ABL2: variants seen among roughly 807,000 people sequenced by gnomAD.
ABL2 encodes the protein tyrosine-protein kinase ABL2.
In ABL2, 49 loss-of-function variants were observed where a neutral mutation model predicts 107.7. The ratio of observed to expected loss-of-function variants is 0.45; its 90% CI spans 0.36 to 0.58. ABL2 has a LOEUF of 0.58. ABL2 is among the 20% of genes least tolerant of loss of function. The pLI is 0.00. For synonymous variants in ABL2, 549 were observed against 548.6 expected (o/e 1.00, Z -0.01); for missense variants, 1,245 against 1,457.0 (o/e 0.85, Z 2.37).
At position 179,108,906 on chromosome 1, in the gene ABL2, C is replaced by T. The variant is rs770450505; in HGVS notation, c.2361G>A (p.Met787Ile). The T allele has an allele frequency of 3.7e-6, 6 of 1,614,044 alleles. No individual in the cohort carries two copies. In the South Asian group the frequency reaches 6.6e-5, roughly 18 times the overall value. The change falls in exon 12 of 12, where the codon ATG (methionine) becomes ATA (isoleucine). Residue 787 changes from methionine to isoleucine, a missense_variant. Transcript: ENST00000502732. The part of the protein sequence containing the change: ...PFPRSNSTSS[M>I]SSGLPEQDRM... Reference sequence around the variant, plus strand: ...TATCCTGCTCTGGAAGCCCTGAGGACATGGAAGATGTAGAGTTTGACCTTG... The same window carrying T: ...TATCCTGCTCTGGAAGCCCTGAGGATATGGAAGATGTAGAGTTTGACCTTG...
chr1:179,145,400 TA>T (rs1339005705), intron 1 of ABL2, among the ~76,000 whole-genome samples: 1 of 152,226 alleles, frequency 6.6e-6, no homozygotes, highest in African/African-American at 2.4e-5. Context: ...TATTTGAAAT[TA>T]AACCTGAAAT....
intron 9 of ABL2, among the ~76,000 whole-genome samples, chr1:179,113,515 T>G (rs939295881): frequency 6.6e-6 from 1 of 152,156 alleles, no homozygotes; most frequent in African/African-American, 2.4e-5. Context: ...CAACTGCAAT[T>G]AGGACCAGGC....
chr1:179,119,693 G>C (rs1470144523), intron 6 of ABL2, among the ~76,000 whole-genome samples: 1 of 151,978 alleles, frequency 6.6e-6, no homozygotes, highest in Non-Finnish European at 1.5e-5. Context: ...TGAGGGGTGT[G>C]GTCACAGTTT....
At chr1:179,201,671 A>G in intron 1 of ABL2, 1 of 562,770 alleles carries the variant, frequency 1.8e-6, no homozygotes, top group Non-Finnish European at 3.3e-6. Context: ...CCTCTTGTGC[A>G]CATGCTGAAG....
chr1:179,182,271 G>A (rs1031146664), intron 1 of ABL2, among the ~76,000 whole-genome samples: 3 of 152,030 alleles, frequency 2.0e-5, no homozygotes, highest in Admixed American at 6.6e-5. Flanking sequence ...CTCCTAAAGT[G>A]AAGGTGGCTG....
At chr1:179,183,697 G>A (rs1045127630) in intron 1 of ABL2, 12 of 152,338 alleles carry the variant, frequency 7.9e-5, no homozygotes, top group African/African-American at 2.7e-4. Context: ...ACTAGATACG[G>A]GAATTTTACT....
At chr1:179,110,550 G>A in intron 10 of ABL2, 95 bp from the exon 11 acceptor site, 1 of 1,523,856 alleles carries the variant, frequency 6.6e-7, no homozygotes, top group Non-Finnish European at 8.8e-7. Flanking sequence ...GAAAGAACTG[G>A]CAAGTAGAGT....
At chr1:179,110,027 C>G (rs186163813) in intron 11 of ABL2, among the ~76,000 whole-genome samples, 1 of 152,314 alleles carries the variant, frequency 6.6e-6, no homozygotes, top group Non-Finnish European at 1.5e-5. Flanking sequence ...AACCTCTTCT[C>G]CTCTATCGGG....
intron 1 of ABL2, among the ~76,000 whole-genome samples, chr1:179,178,604 C>T (rs1660193054): frequency 6.6e-6 from 1 of 151,558 alleles, no homozygotes; most frequent in East Asian, 2.0e-4. Context: ...AAAGTAAGAA[C>T]ATCGGGCGGG....
Position 179,107,465 on chromosome 1 carries a change from A to G in ABL2, c.*253T>C, listed in dbSNP as rs995318377. 27 of 540,160 alleles carry G rather than the reference A, an allele frequency of 5.0e-5. No individual in the cohort carries two copies. In the African/African-American group the frequency reaches 5.1e-4, roughly 10 times the overall value. 33.5% of individuals were successfully genotyped at this position (540,160 alleles called of 1,614,324 possible). A position where few individuals can be genotyped will look rare whatever the true frequency, so the allele number is the denominator to read the frequency against. On this transcript the variant is annotated 3_prime_UTR_variant, in exon 12 of 12. Transcript: ENST00000502732. ...TCCTTATGACATACACATGTTCCCT[A>G]TTTTCCAGTGCAGTTTCCAACCCTG...
chr1:179,152,387 A>C (rs1290089533), intron 1 of ABL2, among the ~76,000 whole-genome samples: 4 of 152,180 alleles, frequency 2.6e-5, no homozygotes, highest in Admixed American at 2.6e-4. Flanking sequence ...ACCTTCTCTG[A>C]GAGTATTTTT....
At chr1:179,162,378 A>G (rs1659118966) in intron 1 of ABL2, among the ~76,000 whole-genome samples, 1 of 152,162 alleles carries the variant, frequency 6.6e-6, no homozygotes, top group African/African-American at 2.4e-5. Flanking sequence ...TGAAGTCAGG[A>G]ACTCAAGACC....
chr1:179,182,098 A>G (rs1660413663), intron 1 of ABL2, among the ~76,000 whole-genome samples: 1 of 151,750 alleles, frequency 6.6e-6, no homozygotes, highest in Admixed American at 6.6e-5. Flanking sequence ...CACCCAGCCT[A>G]TCTTCAAACT....
At chr1:179,145,752 G>C (rs935812723) in intron 1 of ABL2, among the ~76,000 whole-genome samples, 5 of 152,116 alleles carry the variant, frequency 3.3e-5, no homozygotes, top group African/African-American at 1.2e-4. Flanking sequence ...CTACTGTTAC[G>C]GAAGTCAAAA....
chr1:179,140,645 C>G (rs183555828), intron 1 of ABL2, among the ~76,000 whole-genome samples: 1 of 152,288 alleles, frequency 6.6e-6, no homozygotes, highest in East Asian at 1.9e-4. Flanking sequence ...TGTATACATC[C>G]TTACTCACAG....
intron 1 of ABL2, among the ~76,000 whole-genome samples, chr1:179,163,746 C>CA (rs1056164810): frequency 1.3e-4 from 19 of 151,092 alleles, no homozygotes; most frequent in Admixed American, 9.2e-4. Flanking sequence ...GACTCCGTCT[C>CA]AAAAAAACAA....
intron 1 of ABL2, among the ~76,000 whole-genome samples, chr1:179,176,498 A>G (rs1660053085): frequency 6.6e-6 from 1 of 152,138 alleles, no homozygotes; most frequent in African/African-American, 2.4e-5. Flanking sequence ...AAAATGTTTA[A>G]AAAGTTTCTA....
intron 1 of ABL2, among the ~76,000 whole-genome samples, chr1:179,194,797 GA>G (rs149252762): frequency 0.072 from 10,906 of 151,642 alleles, 445 homozygotes; most frequent in Non-Finnish European, 0.081. Context: ...TATGCTTAAA[GA>G]AAAAAAGAGG....
intron 1 of ABL2, among the ~76,000 whole-genome samples, chr1:179,207,710 A>G (rs567863523): frequency 1.3e-5 from 2 of 152,294 alleles, no homozygotes; most frequent in African/African-American, 4.8e-5. Flanking sequence ...CCAGGAATAC[A>G]TTATTTCTAA....
Sources: allele counts gnomAD v4.1 joint callset (sites outside exome capture counted in the v4.1 genomes callset), GRCh38; gene constraint gnomAD v4.1.1; transcripts MANE v1.5; gene names NCBI Gene and HGNC (gene_info 2026-07-23, HGNC 2026-07-21).